The following VPS26B variants were observed in gnomAD, a reference collection of about 807,000 sequenced individuals.
VPS26B encodes vacuolar protein sorting-associated protein 26B.
Under a neutral mutation model 33.3 loss-of-function variants are expected in VPS26B, and 10 were observed. The ratio of observed to expected loss-of-function variants is 0.30; its 90% CI spans 0.19 to 0.51. VPS26B has a LOEUF of 0.51. Among genes scored for constraint, VPS26B ranks in the 20% least tolerant of loss-of-function variants. The pLI, the probability that VPS26B is intolerant of heterozygous loss-of-function variation, is 0.98. For synonymous variants in VPS26B, 190 were observed against 176.9 expected (o/e 1.07, Z -0.59); for missense variants, 317 against 452.7 (o/e 0.70, Z 2.72).
In VPS26B at chr11:134,245,074, G is replaced by A. The variant is rs1938789238; in HGVS notation, c.858G>A (p.Lys286=). 3.1e-6 allele frequency: 5 copies of A among 1,614,038 alleles called. No individual in the cohort carries two copies. The highest frequency in any genetic ancestry group is 4.2e-6 in the Non-Finnish European group (5 of 1,179,998). Residue 286 remains lysine (K), a synonymous_variant, in exon 5 of 6, where the codon AAG becomes AAA. Coordinates refer to ENST00000281187, the MANE Select transcript of VPS26B (RefSeq NM_052875.5). This position sits in a 1 kb window ranked among gnomAD's most constrained non-coding sequence, Gnocchi z 4.7. ...ACGAGGAGGAGCGGCGCTACTTCAA[G>A]CAGCAGGTGAGGGCCAGGCTCCTCC... is the stretch of plus-strand genomic sequence containing the variant. ...LIDEEERRYF[K]QQEVVLWRKG...
At chr11:134,236,440 A>G (rs1938633460) in intron 2 of VPS26B, 1 of 152,216 alleles carries the variant, frequency 6.6e-6, no homozygotes, top group Admixed American at 6.5e-5. Context: ...TGATCTAGCA[A>G]TTCCTCTTTT....
chr11:134,236,657 C>G (rs1938636798), intron 2 of VPS26B: 1 of 152,186 alleles, frequency 6.6e-6, no homozygotes, highest in Non-Finnish European at 1.5e-5. Flanking sequence ...CTGTCCTATG[C>G]TACAACATGG....
intron 1 of VPS26B, among the ~76,000 whole-genome samples, chr11:134,228,845 G>A (rs907277653): frequency 9.2e-5 from 14 of 152,120 alleles, no homozygotes; most frequent in Admixed American, 8.5e-4. Context: ...GTGTGAGATG[G>A]GTGGAACTTC....
Position 134,240,318 on chromosome 11 carries a change from A to AGC in VPS26B, c.545+164_545+165dup, listed in dbSNP as rs1938697610. The stretch of plus-strand genomic sequence containing the variant: ...ATCCAGTGAGTGTCTATGGCAGGCC[A>AGC]GCTGCAGCTGGACCGACCACGACGT... On this transcript the variant is annotated intron_variant, in intron 3 of 5. Transcript: ENST00000281187. The surrounding 1 kb of genome is among the most constrained non-coding windows in gnomAD (Gnocchi z 4.4). Among the ~76,000 whole-genome samples the AGC allele has an allele frequency of 6.6e-6, 1 of 152,156 alleles. No individual in the cohort carries two copies. Among genetic ancestry groups the AGC allele is most frequent in the East Asian group, 1.9e-4 (1 of 5,184 alleles).
chr11:134,243,073 TG>T (rs1938758359), intron 3 of VPS26B, 45 bp from the exon 4 acceptor site: 1 of 1,602,544 alleles, frequency 6.2e-7, no homozygotes, highest in Non-Finnish European at 8.5e-7. Context: ...CAGAAAGGTC[TG>T]GCCACAGTAC....
chr11:134,233,922 TATC>T (rs113700919), intron 1 of VPS26B, among the ~76,000 whole-genome samples: 5,989 of 152,246 alleles, frequency 0.039, 408 homozygotes, highest in African/African-American at 0.13. Flanking sequence ...GGCATGAACT[TATC>T]ATCAAAAAAT....
At chr11:134,231,012 A>C (rs1312951691) in intron 1 of VPS26B, among the ~76,000 whole-genome samples, 1 of 152,242 alleles carries the variant, frequency 6.6e-6, no homozygotes, top group Non-Finnish European at 1.5e-5. Flanking sequence ...GTAGTCTGTA[A>C]GGAGCACTGC....
intron 2 of VPS26B, among the ~76,000 whole-genome samples, chr11:134,236,146 C>A (rs528060256): frequency 6.7e-6 from 1 of 150,176 alleles, no homozygotes; most frequent in Admixed American, 6.6e-5. Context: ...CCTATCTCTA[C>A]GAAAAAAAAA....
At chr11:134,243,417 A>G in intron 4 of VPS26B, 123 bp downstream of exon 4, 1 of 1,201,314 alleles carries the variant, frequency 8.3e-7, no homozygotes, top group South Asian at 1.6e-5. Context: ...GTAACTTCTT[A>G]ATCTCTCAGT....
chr11:134,245,143 A>G lies in VPS26B; in HGVS notation c.864+63A>G, dbSNP rs149027935. 1.1e-4 allele frequency: 171 copies of G among 1,576,490 alleles called. No individual in the cohort carries two copies. Among genetic ancestry groups the G allele is most frequent in the Non-Finnish European group, 1.4e-4 (164 of 1,164,672 alleles). On this transcript the variant is annotated intron_variant, in intron 5 of 5. Coordinates refer to ENST00000281187, the MANE Select transcript of VPS26B (RefSeq NM_052875.5). The surrounding 1 kb of genome is among the most constrained non-coding windows in gnomAD (Gnocchi z 4.7). ...GACAGAACAGGAGGCTCTCTTTCCT[A>G]TGGAAGGTCAGACTCCATTTTTGCC...
chr11:134,229,267 C>T (rs1477836274), intron 1 of VPS26B, among the ~76,000 whole-genome samples: 2 of 152,174 alleles, frequency 1.3e-5, no homozygotes, highest in African/African-American at 4.8e-5. Context: ...AAGCGATCCT[C>T]CTGCCTTGGC....
intron 1 of VPS26B, among the ~76,000 whole-genome samples, chr11:134,226,070 G>C (rs1205880860): frequency 6.6e-6 from 1 of 152,194 alleles, no homozygotes; most frequent in Non-Finnish European, 1.5e-5. Context: ...TAAGTGATCA[G>C]AGTTTCTCAA....
chr11:134,237,743 G>A (rs1488404094), intron 2 of VPS26B, among the ~76,000 whole-genome samples: 2 of 152,190 alleles, frequency 1.3e-5, no homozygotes, highest in African/African-American at 4.8e-5. Context: ...AAGGGCTGCT[G>A]GATTTGGCAG....
chr11:134,236,532 C>T (rs199856312), intron 2 of VPS26B: 4 of 152,148 alleles, frequency 2.6e-5, no homozygotes, highest in African/African-American at 9.7e-5. Context: ...CAGCATTATT[C>T]GCAATAACCA....
chr11:134,243,078 A>G (rs1410787821), intron 3 of VPS26B, 41 bp from the exon 4 acceptor site: 3 of 1,607,308 alleles, frequency 1.9e-6, no homozygotes, highest in South Asian at 1.1e-5. Context: ...AGGTCTGGCC[A>G]CAGTACCAAC....
In VPS26B at chr11:134,245,058, A is replaced by T; in HGVS notation, c.842A>T (p.Glu281Val). 6.2e-7 allele frequency: 1 copy of T among 1,614,098 alleles called. No individual in the cohort carries two copies. Among genetic ancestry groups the T allele is most frequent in the East Asian group, 2.2e-5 (1 of 44,872 alleles). ...YLNLVLIDEE[E>V]RRYFKQQEVV... is the part of the protein sequence containing the mutation. ...AACCTGGTGCTGATAGACGAGGAGG[A>T]GCGGCGCTACTTCAAGCAGCAGGTG... is the stretch of plus-strand genomic sequence containing the variant. The change falls in exon 5 of 6, where the codon GAG becomes GTG. Residue 281 changes from glutamate (E) to valine (V), a missense_variant. Physicochemically the swap from Glu to Val is moderately radical, Grantham distance 121. Transcript: ENST00000281187. This position sits in a 1 kb window ranked among gnomAD's most constrained non-coding sequence, Gnocchi z 4.7.
intron 1 of VPS26B, among the ~76,000 whole-genome samples, chr11:134,230,794 C>G (rs951529985): frequency 6.6e-6 from 1 of 152,216 alleles, no homozygotes; most frequent in African/African-American, 2.4e-5. Flanking sequence ...TATTTATTCA[C>G]TTATGTGGTG....
At chr11:134,230,759 G>C (rs559930219) in intron 1 of VPS26B, among the ~76,000 whole-genome samples, 2 of 152,214 alleles carry the variant, frequency 1.3e-5, no homozygotes, top group African/African-American at 2.4e-5. Context: ...CAGTTTGAAC[G>C]TTGCCTCCTG....
rs1348828797 is a variant in VPS26B, at chr11:134,245,968, T to C, written c.*378T>C. ...ACAGGATCTGAGCATGTCCCTGGGATTCTGAGCTGCCAACAGGGCCCTGGG... is the reference window on the plus strand; with the variant it reads ...ACAGGATCTGAGCATGTCCCTGGGACTCTGAGCTGCCAACAGGGCCCTGGG... On this transcript the variant is annotated 3_prime_UTR_variant, in exon 6 of 6. Coordinates refer to ENST00000281187, the MANE Select transcript of VPS26B (RefSeq NM_052875.5). This position sits in a 1 kb window ranked among gnomAD's most constrained non-coding sequence, Gnocchi z 4.7. 1 of 196,348 alleles carries C rather than the reference T, an allele frequency of 5.1e-6. No individual in the cohort carries two copies. Among genetic ancestry groups the C allele is most frequent in the African/African-American group, 2.3e-5 (1 of 43,712 alleles). 12.2% of individuals were successfully genotyped at this position (196,348 alleles called of 1,614,324 possible).
Sources: allele counts gnomAD v4.1 joint callset (sites outside exome capture counted in the v4.1 genomes callset), GRCh38; gene constraint gnomAD v4.1.1; non-coding constraint Gnocchi (gnomAD v3.1); transcripts MANE v1.5; gene names NCBI Gene and HGNC (gene_info 2026-07-23, HGNC 2026-07-21).